The following CDH7 variants were observed in gnomAD, a reference collection of about 807,000 sequenced individuals.
CDH7 encodes cadherin-7.
CDH7 carries 25 observed loss-of-function variants against 71.8 expected under a neutral mutation model. The ratio of observed to expected loss-of-function variants is 0.35; its 90% CI spans 0.25 to 0.49. CDH7 has a LOEUF of 0.49. Ranked by LOEUF, CDH7 falls within the 20% of genes least tolerant of loss-of-function variation. The pLI is 0.99. For synonymous variants in CDH7, 381 were observed against 363.8 expected, an observed-to-expected ratio of 1.05 and a Z score of -0.54; for missense variants, 862 against 974.6, an observed-to-expected ratio of 0.88 and a Z score of 1.54.
At chr18:65,819,059 G>A (rs1340179652) in intron 4 of CDH7, among the ~76,000 whole-genome samples, 1 of 152,004 alleles carries the variant, frequency 6.6e-6, no homozygotes, top group Non-Finnish European at 1.5e-5. Flanking sequence ...ACCAGCAGAT[G>A]TCGACATAAG....
Position 65,887,041 on chromosome 18 carries a change from G to A in CDH7, c.*6147G>A, listed in dbSNP as rs1914389918. Reference sequence around the variant, plus strand: ...TAATAACTATGTAACTAATGAGAATGTTGAAAGTACAGCATACTTTCATTC... The same window carrying A: ...TAATAACTATGTAACTAATGAGAATATTGAAAGTACAGCATACTTTCATTC... On this transcript the variant is annotated 3_prime_UTR_variant, in exon 12 of 12. Coordinates refer to ENST00000397968, the MANE Select transcript of CDH7 (RefSeq NM_004361.5). 3 of 152,106 alleles carry A rather than the reference G, an allele frequency of 2.0e-5. No homozygotes were observed. Among genetic ancestry groups the A allele is most frequent in the African/African-American group, 7.2e-5 (3 of 41,424 alleles). The allele number at this position is 152,106 out of a possible 1,614,324, so 9.4% of individuals were successfully genotyped here. A position where few individuals can be genotyped will look rare whatever the true frequency, so the allele number is the denominator to read the frequency against.
chr18:65,779,965 G>C lies in CDH7; in HGVS notation c.210+16913G>C, dbSNP rs1289299413. ...TTTCTCCACATCCTCTCCAGCACCT[G>C]TTGTTTCCTGACTTTTTAATGATTG... On this transcript the variant is annotated intron_variant, in intron 2 of 11. Coordinates refer to ENST00000397968, the MANE Select transcript of CDH7 (RefSeq NM_004361.5). Among the ~76,000 whole-genome samples, 8 of 101,174 alleles carry C rather than the reference G, an allele frequency of 7.9e-5. 2 individuals are homozygous for C. In the East Asian group the frequency reaches 1.3e-3, roughly 17 times the overall value. The allele number at this position is 101,174 out of a possible 152,430, so 66.4% of individuals were successfully genotyped here. A position where few individuals can be genotyped will look rare whatever the true frequency, so the allele number is the denominator to read the frequency against.
chr18:65,859,207 C>A (rs1173670188), intron 9 of CDH7, among the ~76,000 whole-genome samples, 161 bp downstream of exon 9: 1 of 152,106 alleles, frequency 6.6e-6, no homozygotes, highest in African/African-American at 2.4e-5. Context: ...ATTAAAGGAA[C>A]CTTCAAATTC....
intron 7 of CDH7, among the ~76,000 whole-genome samples, chr18:65,845,487 A>G (rs1275727278): frequency 6.6e-6 from 1 of 152,038 alleles, no homozygotes; most frequent in African/African-American, 2.4e-5. Context: ...AAACTTTCTG[A>G]CTGCAGTTCA....
At chr18:65,774,167 AT>A (rs1916628918) in intron 2 of CDH7, among the ~76,000 whole-genome samples, 1 of 151,974 alleles carries the variant, frequency 6.6e-6, no homozygotes, top group Non-Finnish European at 1.5e-5. Flanking sequence ...CCCTCTATTA[AT>A]ACAAGCCATG....
At chr18:65,870,143 T>G (rs1913886122) in intron 11 of CDH7, among the ~76,000 whole-genome samples, 1 of 152,220 alleles carries the variant, frequency 6.6e-6, no homozygotes, top group African/African-American at 2.4e-5. Context: ...GTCAGAGATA[T>G]TTTATTTATC....
chr18:65,833,954 A>G (rs12605720), intron 6 of CDH7, among the ~76,000 whole-genome samples: 4,311 of 152,246 alleles, frequency 0.028, 134 homozygotes, highest in East Asian at 0.19. Context: ...ATATGTGTAT[A>G]TCAAAGATGT....
chr18:65,793,296 G>T (rs1185942892), intron 2 of CDH7, among the ~76,000 whole-genome samples: 1 of 151,718 alleles, frequency 6.6e-6, no homozygotes, highest in African/African-American at 2.4e-5. Flanking sequence ...GGCTGGTTGC[G>T]GTGTCACGTG....
chr18:65,869,859 G>T (rs1409797879), intron 11 of CDH7, among the ~76,000 whole-genome samples: 1 of 152,060 alleles, frequency 6.6e-6, no homozygotes, highest in Non-Finnish European at 1.5e-5. Context: ...GTACTGAATT[G>T]TGGAAAAGAA....
chr18:65,871,458 G>T lies in CDH7; in HGVS notation c.1864+8541G>T, dbSNP rs1913923865. 2.0e-5 allele frequency among the ~76,000 whole-genome samples: 3 copies of T among 152,278 alleles called. No homozygotes were observed. In the East Asian group the frequency reaches 5.8e-4, roughly 29 times the overall value. The stretch of plus-strand genomic sequence containing the variant: ...ATAACAGGTATGCAACGCAGATGAG[G>T]TCCTTAAATAGGCAGGAGCCATGGG... On this transcript the variant is annotated intron_variant, in intron 11 of 11. Coordinates refer to ENST00000397968, the MANE Select transcript of CDH7 (RefSeq NM_004361.5).
At chr18:65,777,472 C>G (rs1909991398) in intron 2 of CDH7, among the ~76,000 whole-genome samples, 2 of 151,902 alleles carry the variant, frequency 1.3e-5, no homozygotes. Context: ...GTAAAACTCT[C>G]CAAACGCGAA....
chr18:65,820,788 ATG>A (rs1911895563), intron 4 of CDH7, among the ~76,000 whole-genome samples: 1 of 152,120 alleles, frequency 6.6e-6, no homozygotes, highest in African/African-American at 2.4e-5. Flanking sequence ...ACGATGCTAT[ATG>A]TCCTTTCAAA....
rs1361582162 is a variant in CDH7 at position 65,826,052 on chromosome 18, T to C, written c.981+1221T>C. Among the ~76,000 whole-genome samples the C allele has an allele frequency of 3.3e-5, 5 of 151,578 alleles. No homozygotes were observed. In the East Asian group the frequency reaches 9.6e-4, roughly 29 times the overall value. On this transcript the variant is annotated intron_variant, in intron 6 of 11. Transcript: ENST00000397968. ...TGAAGGCAGCATGAATCTTTGAAAA[T>C]TCTAAATTTAATATAAAATATTTGA...
At chr18:65,872,689 G>A (rs1187152915) in intron 11 of CDH7, among the ~76,000 whole-genome samples, 3 of 151,960 alleles carry the variant, frequency 2.0e-5, no homozygotes, top group Non-Finnish European at 4.4e-5. Flanking sequence ...TGAAGCCAGA[G>A]TTTGAGACCA....
chr18:65,850,173 A>ATATATATATAT (rs145348057), intron 7 of CDH7, among the ~76,000 whole-genome samples: 866 of 65,256 alleles, frequency 0.013, 8 homozygotes, highest in African/African-American at 0.049. Flanking sequence ...CACTATATAT[A>ATATATATATAT]ATATATATAT....
rs369670972 is a variant in CDH7 at position 65,832,749 on chromosome 18, T to A, written c.981+7918T>A. Among the ~76,000 whole-genome samples, 61 of 152,258 alleles carry A rather than the reference T, an allele frequency of 4.0e-4. 2 individuals are homozygous for A. The highest frequency in any genetic ancestry group is 1.4e-3 in the African/African-American group (60 of 41,558). ...ATATAGTTTTTGTTTCACCTAGAATTCTTTCTTTTTACATTTGCTATCATA... is the reference window on the plus strand; with the variant it reads ...ATATAGTTTTTGTTTCACCTAGAATACTTTCTTTTTACATTTGCTATCATA... On this transcript the variant is annotated intron_variant, in intron 6 of 11. Coordinates refer to ENST00000397968, the MANE Select transcript of CDH7 (RefSeq NM_004361.5).
intron 7 of CDH7, among the ~76,000 whole-genome samples, chr18:65,845,879 C>T (rs1912917399): frequency 6.6e-6 from 1 of 151,872 alleles, no homozygotes; most frequent in South Asian, 2.1e-4. Context: ...GCTACAATTG[C>T]ACTTGTAAAT....
chr18:65,780,604 C>A (rs1446127828), intron 2 of CDH7, among the ~76,000 whole-genome samples: 1 of 144,278 alleles, frequency 6.9e-6, no homozygotes, highest in African/African-American at 2.6e-5. Flanking sequence ...TGTCAAAGAT[C>A]AGATAGTTGT....
intron 11 of CDH7, among the ~76,000 whole-genome samples, chr18:65,871,051 A>G (rs183623428): frequency 8.1e-4 from 124 of 152,324 alleles, no homozygotes; most frequent in South Asian, 1.7e-3. Context: ...GTTAGATAGA[A>G]TAGAGTAGAT....
Sources: gnomAD v4.1 joint callset for allele counts (sites outside exome capture counted in the v4.1 genomes callset) on GRCh38, gnomAD v4.1.1 for gene constraint, MANE v1.5 for transcripts, NCBI Gene and HGNC (gene_info 2026-07-23, HGNC 2026-07-21) for gene names.